The following PCDHGA6 variants were observed in gnomAD, a reference collection of about 807,000 sequenced individuals.
The protein encoded by PCDHGA6 is protocadherin gamma-A6.
PCDHGA6 carries 41 observed loss-of-function variants against 60.6 expected under a neutral mutation model. That is an observed-to-expected ratio of 0.68 (90% CI 0.53 to 0.88). PCDHGA6 has a LOEUF of 0.88. PCDHGA6 is among the 40% of genes least tolerant of loss of function. The probability of loss-of-function intolerance (pLI) is 0.00; values close to 1 mark genes in which losing one functional copy is unlikely to be tolerated. For missense variants in PCDHGA6, 1,312 were observed against 1,203.0 expected, an observed-to-expected ratio of 1.09 and a Z score of -1.34; for synonymous variants, 594 against 524.4, an observed-to-expected ratio of 1.13 and a Z score of -1.81.
intron 1 of PCDHGA6, chr5:141,427,221 T>C (rs1312743800): frequency 2.2e-6 from 1 of 456,628 alleles, no homozygotes; most frequent in Non-Finnish European, 4.4e-6. Context: ...TCGTAGCAGT[T>C]ATACCATGAG....
rs375228847 is a variant in PCDHGA6, at chr5:141,431,219, C to G, written c.2424+54712C>G. ...TGCAGCCACTGAGATGCGGTTCCCTCTACCCCACGCCTGGGATCCGGATAT... is the reference window on the plus strand; with the variant it reads ...TGCAGCCACTGAGATGCGGTTCCCTGTACCCCACGCCTGGGATCCGGATAT... On this transcript the variant is annotated intron_variant, in intron 1 of 3. Coordinates refer to ENST00000517434, the MANE Select transcript of PCDHGA6 (RefSeq NM_018919.3). This position sits in a 1 kb window ranked among gnomAD's most constrained non-coding sequence, Gnocchi z 4.8. 2.5e-6 allele frequency: 4 copies of G among 1,614,180 alleles called. No individual in the cohort carries two copies. The highest frequency in any genetic ancestry group is 1.6e-4 in the Middle Eastern group (1 of 6,062).
At chr5:141,414,342 C>A in intron 1 of PCDHGA6, 2 of 1,613,810 alleles carry the variant, frequency 1.2e-6, no homozygotes, top group East Asian at 2.2e-5. Flanking sequence ...TAACCTGTTC[C>A]ATTTTGGCGT....
intron 1 of PCDHGA6, chr5:141,413,935 A>T: frequency 6.2e-7 from 1 of 1,613,372 alleles, no homozygotes; most frequent in Non-Finnish European, 8.5e-7. Flanking sequence ...ATACCGAGTG[A>T]GTGTTCCTGA....
chr5:141,491,712 G>A lies in PCDHGA6; in HGVS notation c.2425-3095G>A, dbSNP rs932849130. On this transcript the variant is annotated intron_variant, in intron 1 of 3. Coordinates refer to ENST00000517434, the MANE Select transcript of PCDHGA6 (RefSeq NM_018919.3). The surrounding 1 kb of genome is among the most constrained non-coding windows in gnomAD (Gnocchi z 6.9). Reference sequence around the variant, plus strand: ...GGGAGCGGAGCCAGGTGAGGGGCTCGGCGCCGCCCCGGGCGACCCCTGGGG... The same window carrying A: ...GGGAGCGGAGCCAGGTGAGGGGCTCAGCGCCGCCCCGGGCGACCCCTGGGG... The A allele has an allele frequency of 1.2e-6, 2 of 1,609,290 alleles. No homozygotes were observed. Among genetic ancestry groups the A allele is most frequent in the East Asian group, 2.2e-5 (1 of 44,760 alleles).
chr5:141,418,150 A>C (rs1377300460), intron 1 of PCDHGA6: 2 of 1,614,112 alleles, frequency 1.2e-6, no homozygotes, highest in Non-Finnish European at 8.5e-7. Context: ...AAATATGCAA[A>C]GAGAGAAGAA....
In PCDHGA6 at chr5:141,504,261, A is replaced by AT. The variant is rs144925096; in HGVS notation, c.2484-1125dup. Among the ~76,000 whole-genome samples the AT allele has an allele frequency of 3.8e-3, 573 of 152,258 alleles. 3 individuals are homozygous for AT. The highest frequency in any genetic ancestry group is 0.012 in the African/African-American group (514 of 41,556). ...CAGAGAGTTCTTCTTATGGTTTAGT[A>AT]TTTTTTTAAATTATGAATCATTTCA... On this transcript the variant is annotated intron_variant, in intron 2 of 3. Transcript: ENST00000517434.
chr5:141,416,718 G>T lies in PCDHGA6; in HGVS notation c.2424+40211G>T, dbSNP rs1202204760. The T allele has an allele frequency of 5.9e-5, 9 of 152,308 alleles. No homozygotes were observed. In the East Asian group the frequency reaches 1.5e-3, roughly 26 times the overall value. The allele number at this position is 152,308 out of a possible 1,614,324, so 9.4% of individuals were successfully genotyped here. On this transcript the variant is annotated intron_variant, in intron 1 of 3. Transcript: ENST00000517434. ...AAAGGATCATTGGAGGTACTGATGAGTTCATTTAGTTCAATGAAAATAGTG... is the reference window on the plus strand; with the variant it reads ...AAAGGATCATTGGAGGTACTGATGATTTCATTTAGTTCAATGAAAATAGTG...
At chr5:141,504,147 T>C (rs2099836026) in intron 2 of PCDHGA6, among the ~76,000 whole-genome samples, 1 of 152,198 alleles carries the variant, frequency 6.6e-6, no homozygotes, top group South Asian at 2.1e-4. Flanking sequence ...CCCCTGCAAA[T>C]TGAAATAATT....
rs2090286148 is a variant in PCDHGA6 at position 141,385,565 on chromosome 5, C to T, written c.2424+9058C>T. ...GGACTATCACATTTTATAATTTCCA[C>T]CTACTTTCCAATCTATGTTCCAACC... On this transcript the variant is annotated intron_variant, in intron 1 of 3. Transcript: ENST00000517434. 2.3e-6 allele frequency: 3 copies of T among 1,302,312 alleles called. No homozygotes were observed. In the African/African-American group the frequency reaches 4.6e-5, roughly 20 times the overall value. 80.7% of individuals were successfully genotyped at this position (1,302,312 alleles called of 1,614,324 possible). A position where few individuals can be genotyped will look rare whatever the true frequency, so the allele number is the denominator to read the frequency against.
rs775051431 is a variant in PCDHGA6, at chr5:141,376,309, C to T, written c.2226C>T (p.Gly742=). 2.5e-6 allele frequency: 4 copies of T among 1,614,030 alleles called. No individual in the cohort carries two copies. The East Asian group carries it at 6.7e-5, about 27-fold the overall frequency. The change falls in exon 1 of 4, where the codon GGC becomes GGT. Residue 742 remains glycine (G), a synonymous_variant. Transcript: ENST00000517434. Reference sequence around the variant, plus strand: ...GCATGCCCGGCTCGCACTTTGTGGGCGTGGAAGGGGTTCGGGCTTTCCTGC... The same window carrying T: ...GCATGCCCGGCTCGCACTTTGTGGGTGTGGAAGGGGTTCGGGCTTTCCTGC... ...LASMPGSHFV[G]VEGVRAFLQT... is the part of the protein sequence containing the mutation.
In PCDHGA6 at chr5:141,431,321, G is replaced by A. The variant is rs112186927; in HGVS notation, c.2424+54814G>A. The A allele has an allele frequency of 1.2e-6, 2 of 1,613,938 alleles. No individual in the cohort carries two copies. The highest frequency in any genetic ancestry group is 1.3e-5 in the African/African-American group (1 of 74,910). ...CCTCATCGTGCAAAATGGAGCCGAC[G>A]GTAGTAAGTACCCCGAATTGGTGCT... is the stretch of plus-strand genomic sequence containing the variant. On this transcript the variant is annotated intron_variant, in intron 1 of 3. Transcript: ENST00000517434. The surrounding 1 kb of genome is among the most constrained non-coding windows in gnomAD (Gnocchi z 4.8).
At chr5:141,474,241 G>A (rs1367530484) in intron 1 of PCDHGA6, among the ~76,000 whole-genome samples, 8 of 151,928 alleles carry the variant, frequency 5.3e-5, no homozygotes, top group East Asian at 1.9e-4. Context: ...TGCTGAATAG[G>A]GGAAAAAAAG....
Position 141,476,301 on chromosome 5 carries a change from C to T in PCDHGA6, c.2425-18506C>T. On this transcript the variant is annotated intron_variant, in intron 1 of 3. Transcript: ENST00000517434. The surrounding 1 kb of genome is among the most constrained non-coding windows in gnomAD (Gnocchi z 7.6). ...CTTGGTTTGGATCTCGGTAGCCTCT[C>T]AGCCCGCAGGTTCCGGGTGGTGTCT... is the stretch of plus-strand genomic sequence containing the variant. The T allele has an allele frequency of 1.9e-6, 3 of 1,613,778 alleles. No homozygotes were observed. The highest frequency in any genetic ancestry group is 2.5e-6 in the Non-Finnish European group (3 of 1,179,908).
At chr5:141,457,167 C>T (rs1465212183) in intron 1 of PCDHGA6, among the ~76,000 whole-genome samples, 1 of 152,114 alleles carries the variant, frequency 6.6e-6, no homozygotes, top group East Asian at 1.9e-4. Context: ...CATGGATAAC[C>T]CTATTGCAAA....
At chr5:141,389,281 G>T in intron 1 of PCDHGA6, 2 of 1,614,012 alleles carry the variant, frequency 1.2e-6, no homozygotes, top group Non-Finnish European at 1.7e-6. Context: ...AACCCGCCTG[G>T]AGCCTCTATT....
In PCDHGA6 at chr5:141,394,482, G is replaced by T. The variant is rs751618237; in HGVS notation, c.2424+17975G>T. On this transcript the variant is annotated intron_variant, in intron 1 of 3. Coordinates refer to ENST00000517434, the MANE Select transcript of PCDHGA6 (RefSeq NM_018919.3). ...GAGCCTGTTCGTGCTGGACCAGAAT[G>T]ACAACGCGCCCGAGATCCTGTACCC... 8 of 1,614,122 alleles carry T rather than the reference G, an allele frequency of 5.0e-6. No homozygotes were observed. The African/African-American group carries it at 1.1e-4, about 22-fold the overall frequency.
intron 3 of PCDHGA6, among the ~76,000 whole-genome samples, chr5:141,508,738 A>C (rs1596171196): frequency 7.1e-5 from 10 of 141,304 alleles, no homozygotes; most frequent in Admixed American, 1.4e-4. Context: ...TACACCCCCC[A>C]CCCCGCTCTT....
At chr5:141,446,657 A>G (rs2098510367) in intron 1 of PCDHGA6, among the ~76,000 whole-genome samples, 1 of 152,092 alleles carries the variant, frequency 6.6e-6, no homozygotes, top group African/African-American at 2.4e-5. Context: ...TTGTATTTTT[A>G]GTACAAGACA....
In PCDHGA6 at chr5:141,393,848, A is replaced by G. The variant is rs1368797606; in HGVS notation, c.2424+17341A>G. Reference sequence around the variant, plus strand: ...TGGAAGATGTAAATGACAATAGACCAGAAGTGATCATTACGTCTTTGTTTA... The same window carrying G: ...TGGAAGATGTAAATGACAATAGACCGGAAGTGATCATTACGTCTTTGTTTA... On this transcript the variant is annotated intron_variant, in intron 1 of 3. Transcript: ENST00000517434. 2.5e-6 allele frequency: 4 copies of G among 1,614,008 alleles called. No individual in the cohort carries two copies. The South Asian group carries it at 4.4e-5, about 18-fold the overall frequency.
Sources: gnomAD v4.1 joint callset for allele counts (sites outside exome capture counted in the v4.1 genomes callset) on GRCh38, gnomAD v4.1.1 for gene constraint, Gnocchi (gnomAD v3.1) non-coding constraint, MANE v1.5 for transcripts, NCBI Gene and HGNC (gene_info 2026-07-23, HGNC 2026-07-21) for gene names.